CPM: variants seen among roughly 807,000 people sequenced by gnomAD.
The protein encoded by CPM is carboxypeptidase M.
A neutral mutation model predicts 46.4 loss-of-function variants in CPM; 35 were observed. That is an observed-to-expected ratio of 0.75 (90% CI 0.58 to 1.00). The LOEUF (loss-of-function observed/expected upper bound fraction) is 1.00. Ranked by LOEUF, CPM falls within the 50% of genes least tolerant of loss-of-function variation. The pLI, the probability that CPM is intolerant of heterozygous loss-of-function variation, is 0.00. For missense variants in CPM, 422 were observed against 530.4 expected (o/e 0.80, Z 2.01); for synonymous variants, 195 against 195.3 (o/e 1.00, Z 0.01).
At chr12:68,960,833 C>T (rs999455642) in intron 1 of CPM, among the ~76,000 whole-genome samples, 1 of 152,178 alleles carries the variant, frequency 6.6e-6, no homozygotes, top group Non-Finnish European at 1.5e-5. Context: ...ATGACTTGTT[C>T]AGGTGAATTA....
intron 1 of CPM, among the ~76,000 whole-genome samples, chr12:68,940,199 A>G (rs1001514279): frequency 6.6e-6 from 1 of 151,908 alleles, no homozygotes; most frequent in African/African-American, 2.4e-5. Flanking sequence ...TAGGGTTCCC[A>G]TATACCCTTT....
chr12:68,868,813 T>C (rs1885568063), intron 6 of CPM, among the ~76,000 whole-genome samples: 1 of 152,110 alleles, frequency 6.6e-6, no homozygotes, highest in African/African-American at 2.4e-5. Context: ...TCTGGCAGTA[T>C]TGGCTCCCCA....
intron 2 of CPM, among the ~76,000 whole-genome samples, chr12:68,902,845 C>T (rs1227516908): frequency 1.3e-5 from 2 of 152,204 alleles, no homozygotes; most frequent in African/African-American, 4.8e-5. Context: ...ACCTCAGAGG[C>T]AACTGATGTT....
intron 2 of CPM, among the ~76,000 whole-genome samples, chr12:68,886,627 G>A (rs1326779951): frequency 5.3e-5 from 8 of 152,138 alleles, no homozygotes; most frequent in African/African-American, 1.7e-4. Flanking sequence ...GCGAGACTCC[G>A]TCTCAAAAAT....
chr12:68,899,072 T>G (rs1371577536), intron 2 of CPM, among the ~76,000 whole-genome samples: 3 of 152,208 alleles, frequency 2.0e-5, no homozygotes, highest in African/African-American at 7.2e-5. Flanking sequence ...CAATTTGTTA[T>G]GCCAAGAGAC....
chr12:68,882,685 G>A (rs561996204), intron 3 of CPM, among the ~76,000 whole-genome samples: 1 of 152,262 alleles, frequency 6.6e-6, no homozygotes, highest in East Asian at 1.9e-4. Context: ...CCAGCAGTGT[G>A]TAAGTGATCC....
intron 1 of CPM, among the ~76,000 whole-genome samples, chr12:68,945,846 CTTT>C (rs1170064808): frequency 5.3e-3 from 468 of 88,456 alleles, no homozygotes; most frequent in African/African-American, 0.021. Context: ...TTCTTTCTTT[CTTT>C]TTTTTTTTTT....
chr12:68,952,125 G>C (rs1187688076), intron 1 of CPM, among the ~76,000 whole-genome samples: 1 of 152,188 alleles, frequency 6.6e-6, no homozygotes, highest in Non-Finnish European at 1.5e-5. Flanking sequence ...TCCTCTTGAA[G>C]CATCAATGCT....
In CPM at chr12:68,856,389, C is replaced by T; in HGVS notation, c.*48G>A. 6.3e-7 allele frequency: 1 copy of T among 1,584,982 alleles called. No homozygotes were observed. Among genetic ancestry groups the T allele is most frequent in the African/African-American group, 1.3e-5 (1 of 74,494 alleles). ...TAGGGTTGCAGTAACCTGGAGTGAGCAATCCCTGATTCCAGGTGGTGATGT... is the reference window on the plus strand; with the variant it reads ...TAGGGTTGCAGTAACCTGGAGTGAGTAATCCCTGATTCCAGGTGGTGATGT... On this transcript the variant is annotated 3_prime_UTR_variant, in exon 9 of 9. Coordinates refer to ENST00000551568, the MANE Select transcript of CPM (RefSeq NM_198320.5).
downstream of CPM, chr12:68,849,173 T>C: frequency 6.7e-6 from 1 of 148,618 alleles, no homozygotes; most frequent in Non-Finnish European, 1.5e-5. Context: ...CACTGCAACC[T>C]CTGCCCCCCA....
At chr12:68,885,293 T>C (rs1886380415) in intron 3 of CPM, among the ~76,000 whole-genome samples, 1 of 152,192 alleles carries the variant, frequency 6.6e-6, no homozygotes, top group Non-Finnish European at 1.5e-5. Flanking sequence ...TGTGATTGTC[T>C]AAACTGGAGC....
chr12:68,885,898 G>A lies in CPM; in HGVS notation c.161-9C>T. ...AACCCACAGGTTTCTACCTTTACAG[G>A]AAAAGAAGAAAAGATGGAAAAGTAA... is the stretch of plus-strand genomic sequence containing the variant. On this transcript the variant is annotated splice_polypyrimidine_tract_variant and intron_variant, in intron 2 of 8. Transcript: ENST00000551568. 1 of 1,604,906 alleles carries A rather than the reference G, an allele frequency of 6.2e-7. No homozygotes were observed. The highest frequency in any genetic ancestry group is 1.1e-5 in the South Asian group (1 of 90,250).
Position 68,871,914 on chromosome 12 carries a change from CGA to C in CPM, c.299_300del (p.Leu100ArgfsTer4). The C allele has an allele frequency of 6.2e-7, 1 of 1,614,016 alleles. No homozygotes were observed. The highest frequency in any genetic ancestry group is 1.3e-5 in the African/African-American group (1 of 74,972). ...RELLLHLIDY[L>X]VTSDGKDPEI... ...TCAGGGTCTTTGCCATCACTGGTTACGAGATAGTCAATCAGATGGAGCAGCAG... is the reference window on the plus strand; with the variant it reads ...TCAGGGTCTTTGCCATCACTGGTTACGATAGTCAATCAGATGGAGCAGCAG... On this transcript the variant is annotated frameshift_variant, in exon 4 of 9. Coordinates refer to ENST00000551568, the MANE Select transcript of CPM (RefSeq NM_198320.5). LOFTEE classifies it high-confidence loss of function.
chr12:68,922,987 G>A lies in CPM; in HGVS notation c.160+9691C>T, dbSNP rs1054088540. On this transcript the variant is annotated intron_variant, in intron 2 of 8. Coordinates refer to ENST00000551568, the MANE Select transcript of CPM (RefSeq NM_198320.5). ...GCTGGAGTGCAGTGGCTGTTCACAG[G>A]TGCGATCATAGTGCAGTACAGCCTC... 9.2e-5 allele frequency among the ~76,000 whole-genome samples: 14 copies of A among 152,070 alleles called. 1 individual carries two copies. Among genetic ancestry groups the A allele is most frequent in the Admixed American group, 7.9e-4 (12 of 15,240 alleles).
Position 68,869,464 on chromosome 12 carries a change from C to A in CPM, c.648G>T (p.Thr216=). ...ATGALYSRSL[T]PDDDVFQYLA... ...GATATTGAAAAACATCATCATCAGG[C>A]GTTAAGCTTCGGGAGTATAATGCCC... Residue 216 remains threonine, a synonymous_variant, in exon 6 of 9, where the codon ACG becomes ACT. Coordinates refer to ENST00000551568, the MANE Select transcript of CPM (RefSeq NM_198320.5). The A allele has an allele frequency of 6.2e-7, 1 of 1,612,170 alleles. No homozygotes were observed. Among genetic ancestry groups the A allele is most frequent in the Non-Finnish European group, 8.5e-7 (1 of 1,178,866 alleles).
intron 1 of CPM, among the ~76,000 whole-genome samples, chr12:68,947,361 C>T (rs555573344): frequency 1.8e-4 from 28 of 152,248 alleles, no homozygotes; most frequent in Admixed American, 1.8e-3. Context: ...CTTTGGGAGG[C>T]CAAGACACAT....
chr12:68,963,211 T>C, exon 1 of CPM: 1 of 195,142 alleles, frequency 5.1e-6, no homozygotes, highest in Non-Finnish European at 1.0e-5. Context: ...CCAGAAAGGG[T>C]CCTGTCCCAT....
intron 3 of CPM, among the ~76,000 whole-genome samples, chr12:68,876,893 CGTGT>C (rs59366545): frequency 0.046 from 6,814 of 148,300 alleles, 507 homozygotes; most frequent in African/African-American, 0.16. Context: ...CACGCGCATG[CGTGT>C]GTGTGTGTGT....
intron 1 of CPM, among the ~76,000 whole-genome samples, chr12:68,944,910 G>C (rs1367899605): frequency 1.3e-5 from 2 of 152,130 alleles, no homozygotes; most frequent in African/African-American, 2.4e-5. Context: ...AACTGTCCCA[G>C]TGAGCTGAGT....
Sources: gnomAD v4.1 joint callset for allele counts (sites outside exome capture counted in the v4.1 genomes callset) on GRCh38, gnomAD v4.1.1 for gene constraint, MANE v1.5 for transcripts, NCBI Gene and HGNC (gene_info 2026-07-23, HGNC 2026-07-21) for gene names.